ZBTB20: variants seen among roughly 807,000 people sequenced by gnomAD.
The protein encoded by ZBTB20 is zinc finger and BTB domain-containing protein 20.
A neutral mutation model predicts 56.9 loss-of-function variants in ZBTB20; 9 were observed. The ratio of observed to expected loss-of-function variants is 0.16; its 90% CI spans 0.10 to 0.28. The LOEUF (loss-of-function observed/expected upper bound fraction) is 0.28, where lower values mean the gene tolerates loss of function less well. ZBTB20 is among the 10% of genes least tolerant of loss of function. The pLI, the probability that ZBTB20 is intolerant of heterozygous loss-of-function variation, is 1.00. For missense variants in ZBTB20, 655 were observed against 1,003.0 expected, an observed-to-expected ratio of 0.65 and a Z score of 4.69; for synonymous variants, 417 against 420.7, an observed-to-expected ratio of 0.99 and a Z score of 0.11.
At chr3:114,699,242 A>T (rs1440158481) in intron 5 of ZBTB20, among the ~76,000 whole-genome samples, 1 of 152,150 alleles carries the variant, frequency 6.6e-6, no homozygotes, top group Admixed American at 6.6e-5. Flanking sequence ...CCATGGACAC[A>T]TTCTAAAGAA....
rs143299734 is a variant in ZBTB20, at chr3:114,529,140, C to A, written c.-294-28749G>T. ...CACATAGCTAAGTTCCATTTCCCAG[C>A]CTTCTCTGCAGATAGCTATGGCCCT... On this transcript the variant is annotated intron_variant, in intron 6 of 11. Transcript: ENST00000675478. 2.0e-5 allele frequency: 3 copies of A among 152,318 alleles called. No homozygotes were observed. The East Asian group carries it at 5.8e-4, about 29-fold the overall frequency. The allele number at this position is 152,318 out of a possible 1,614,324, so 9.4% of individuals were successfully genotyped here.
At chr3:114,946,820 A>C in intron 3 of ZBTB20, among the ~76,000 whole-genome samples, 1 of 145,820 alleles carries the variant, frequency 6.9e-6, no homozygotes, top group East Asian at 1.9e-4. Flanking sequence ...GTACTTAATT[A>C]AACTAAAAAG....
chr3:114,633,992 T>C (rs1276507911), intron 6 of ZBTB20, among the ~76,000 whole-genome samples: 1 of 152,186 alleles, frequency 6.6e-6, no homozygotes, highest in Non-Finnish European at 1.5e-5. Context: ...AGGAATCACA[T>C]TCATCTCTGT....
At chr3:114,676,680 T>C (rs963396043) in intron 6 of ZBTB20, among the ~76,000 whole-genome samples, 2 of 152,080 alleles carry the variant, frequency 1.3e-5, no homozygotes, top group African/African-American at 2.4e-5. Flanking sequence ...TGATATAATA[T>C]ACCAATGTCT....
chr3:114,708,930 C>T (rs2063878993), intron 5 of ZBTB20, among the ~76,000 whole-genome samples: 1 of 151,678 alleles, frequency 6.6e-6, no homozygotes, highest in Non-Finnish European at 1.5e-5. Flanking sequence ...TTAAAATATT[C>T]ATCTATACCA....
At position 114,321,455 on chromosome 3, in the gene ZBTB20, T is replaced by A. The variant is rs1450089060; in HGVS notation, c.*17550A>T. 3.9e-5 allele frequency: 6 copies of A among 152,192 alleles called. No individual in the cohort carries two copies. Among genetic ancestry groups the A allele is most frequent in the Admixed American group, 3.9e-4 (6 of 15,274 alleles). 9.4% of individuals were successfully genotyped at this position (152,192 alleles called of 1,614,324 possible). On this transcript the variant is annotated 3_prime_UTR_variant, in exon 12 of 12. Coordinates refer to ENST00000675478, the MANE Select transcript of ZBTB20 (RefSeq NM_001348800.3). ...TGGAGGGCTGGGTGGTTCTGGAGGG[T>A]CCCTCCCCTGCTATCACTGCCCACT...
At chr3:114,425,844 T>C (rs1349140072) in intron 7 of ZBTB20, among the ~76,000 whole-genome samples, 1 of 152,238 alleles carries the variant, frequency 6.6e-6, no homozygotes, top group Non-Finnish European at 1.5e-5. Context: ...CATTCTGCTA[T>C]ACAAATTCTG....
intron 3 of ZBTB20, among the ~76,000 whole-genome samples, chr3:114,914,716 T>A (rs903089223): frequency 1.3e-5 from 2 of 152,074 alleles, no homozygotes; most frequent in Admixed American, 6.6e-5. Flanking sequence ...ATGTGGCTTT[T>A]ATTATGTTGA....
At chr3:114,931,408 A>G in intron 3 of ZBTB20, 1 of 228,976 alleles carries the variant, frequency 4.4e-6, no homozygotes, top group Non-Finnish European at 8.7e-6. Context: ...AACAGCAGCC[A>G]GTCCACCAGT....
At chr3:114,586,958 T>C (rs1004770198) in intron 6 of ZBTB20, among the ~76,000 whole-genome samples, 7 of 151,542 alleles carry the variant, frequency 4.6e-5, no homozygotes, top group Non-Finnish European at 8.8e-5. Context: ...TTGTTGGTAC[T>C]GAATTTATAC....
intron 6 of ZBTB20, among the ~76,000 whole-genome samples, chr3:114,580,885 A>G (rs1285943815): frequency 6.6e-6 from 1 of 151,904 alleles, no homozygotes; most frequent in African/African-American, 2.4e-5. Flanking sequence ...ATTATTTTCT[A>G]ATGTTAATGT....
intron 7 of ZBTB20, among the ~76,000 whole-genome samples, chr3:114,405,851 A>G (rs1055938033): frequency 6.6e-6 from 1 of 152,126 alleles, no homozygotes; most frequent in Non-Finnish European, 1.5e-5. Flanking sequence ...AACTGGGGAT[A>G]GTTTAGGAAG....
At chr3:114,419,363 G>A (rs1559764601) in intron 7 of ZBTB20, among the ~76,000 whole-genome samples, 1 of 152,130 alleles carries the variant, frequency 6.6e-6, no homozygotes, top group Non-Finnish European at 1.5e-5. Context: ...GTAGTCAGAA[G>A]AGGGCAAGCA....
chr3:114,416,188 C>T (rs2088529823), intron 7 of ZBTB20, among the ~76,000 whole-genome samples: 1 of 151,954 alleles, frequency 6.6e-6, no homozygotes, highest in Non-Finnish European at 1.5e-5. Context: ...GTGGCAATCA[C>T]ATGCCAGAAT....
intron 6 of ZBTB20, among the ~76,000 whole-genome samples, chr3:114,607,306 T>A (rs1328060161): frequency 7.1e-6 from 1 of 140,966 alleles, no homozygotes; most frequent in African/African-American, 2.9e-5. Context: ...TTCATTCATT[T>A]TTTTTTTTTT....
intron 4 of ZBTB20, among the ~76,000 whole-genome samples, chr3:114,871,212 CTTTT>C (rs1361547280): frequency 1.3e-5 from 2 of 152,110 alleles, no homozygotes; most frequent in Non-Finnish European, 1.5e-5. Context: ...TCTCCCCTTT[CTTTT>C]AATTTTTTGG....
At chr3:114,659,992 A>T (rs990327151) in intron 6 of ZBTB20, among the ~76,000 whole-genome samples, 15 of 151,976 alleles carry the variant, frequency 9.9e-5, no homozygotes, top group African/African-American at 1.4e-4. Flanking sequence ...ATTATTAAAA[A>T]TTTTTTAAAA....
intron 5 of ZBTB20, chr3:114,743,309 A>C (rs575198636): frequency 3.9e-5 from 6 of 152,268 alleles, no homozygotes; most frequent in Non-Finnish European, 8.8e-5. Flanking sequence ...TAAGGGGAAA[A>C]GATCCAATTA....
intron 7 of ZBTB20, among the ~76,000 whole-genome samples, chr3:114,441,041 ATTATT>A: frequency 6.6e-6 from 1 of 152,268 alleles, no homozygotes; most frequent in Non-Finnish European, 1.5e-5. Context: ...CTATTTTGCT[ATTATT>A]TTAACTCTTT....
Sources: gnomAD v4.1 joint callset for allele counts (sites outside exome capture counted in the v4.1 genomes callset) on GRCh38, gnomAD v4.1.1 for gene constraint, MANE v1.5 for transcripts, NCBI Gene and HGNC (gene_info 2026-07-23, HGNC 2026-07-21) for gene names.